MAP2K6: variants seen among roughly 807,000 people sequenced by gnomAD.
MAP2K6 encodes the protein mitogen-activated protein kinase kinase 6, also known as dual specificity mitogen-activated protein kinase kinase 6.
MAP2K6 carries 16 observed loss-of-function variants against 53.7 expected under a neutral mutation model. That is an observed-to-expected ratio of 0.30 (90% confidence interval 0.20 to 0.45). MAP2K6 has a LOEUF of 0.45. Ranked by LOEUF, MAP2K6 falls within the 20% of genes least tolerant of loss-of-function variation. The pLI, the probability that MAP2K6 is intolerant of heterozygous loss-of-function variation, is 1.00. For synonymous variants in MAP2K6, 132 were observed against 143.1 expected, an observed-to-expected ratio of 0.92 and a Z score of 0.55; for missense variants, 204 against 411.9, an observed-to-expected ratio of 0.50 and a Z score of 4.37.
intron 1 of MAP2K6, chr17:69,501,742 C>A (rs1909184058): frequency 2.0e-5 from 3 of 152,096 alleles, no homozygotes; most frequent in Admixed American, 2.0e-4. Flanking sequence ...TTGTTGCGAT[C>A]TGCAGAAATC....
intron 1 of MAP2K6, among the ~76,000 whole-genome samples, chr17:69,438,777 G>T (rs932766809): frequency 5.9e-5 from 9 of 152,010 alleles, no homozygotes; most frequent in Admixed American, 4.6e-4. Context: ...TAGAAATGGG[G>T]TCTTACTATG....
chr17:69,533,673 G>A (rs1223007096), intron 10 of MAP2K6, among the ~76,000 whole-genome samples: 1 of 151,172 alleles, frequency 6.6e-6, no homozygotes, highest in Non-Finnish European at 1.5e-5. Flanking sequence ...CGATAGAGAA[G>A]CATTTCTGGT....
intron 1 of MAP2K6, among the ~76,000 whole-genome samples, chr17:69,426,117 T>C (rs1288157110): frequency 6.6e-6 from 1 of 152,240 alleles, no homozygotes; most frequent in Admixed American, 6.5e-5. Flanking sequence ...GCCTCAACTC[T>C]TGGGCTCAAA....
At chr17:69,520,439 A>T in intron 6 of MAP2K6, 53 bp downstream of exon 6, 1 of 1,097,706 alleles carries the variant, frequency 9.1e-7, no homozygotes, top group Admixed American at 2.1e-5. Flanking sequence ...TAAAGTCCCT[A>T]TGTGTCTTTG....
chr17:69,466,325 A>G (rs1907807044), intron 1 of MAP2K6, among the ~76,000 whole-genome samples: 1 of 151,812 alleles, frequency 6.6e-6, no homozygotes, highest in African/African-American at 2.4e-5. Context: ...AGAAATATAT[A>G]GACCTCCTCT....
At chr17:69,491,108 T>TTTCCTTCCTTCCTTCC (rs34072741) in intron 1 of MAP2K6, among the ~76,000 whole-genome samples, 7 of 148,740 alleles carry the variant, frequency 4.7e-5, no homozygotes, top group African/African-American at 1.8e-4. Context: ...CATTGTCTTT[T>TTTCCTTCCTTCCTTCC]TTCCTTCCTT....
Position 69,416,421 on chromosome 17 carries a change from C to G in MAP2K6, c.16+1421C>G, listed in dbSNP as rs191383798. Among the ~76,000 whole-genome samples, 13 of 152,266 alleles carry G rather than the reference C, an allele frequency of 8.5e-5. No homozygotes were observed. The East Asian group carries it at 1.4e-3, about 16-fold the overall frequency. ...CCTCAAGTGGGGAAAACCTAAAAAT[C>G]TCCTTATTGAGTAGAGAAATAATAG... is the stretch of plus-strand genomic sequence containing the variant. On this transcript the variant is annotated intron_variant, in intron 1 of 11. Transcript: ENST00000590474.
chr17:69,484,443 T>C (rs542202707), intron 1 of MAP2K6, among the ~76,000 whole-genome samples: 1 of 152,092 alleles, frequency 6.6e-6, no homozygotes, highest in South Asian at 2.1e-4. Flanking sequence ...TAGGTGAGGA[T>C]GTGGAGAAAT....
chr17:69,478,371 G>A (rs1200869453), intron 1 of MAP2K6, among the ~76,000 whole-genome samples: 1 of 152,198 alleles, frequency 6.6e-6, no homozygotes, highest in Non-Finnish European at 1.5e-5. Context: ...ACTCATTCCA[G>A]AAGAGACATA....
chr17:69,533,807 G>A (rs1739765868), intron 10 of MAP2K6, among the ~76,000 whole-genome samples: 1 of 143,412 alleles, frequency 7.0e-6, no homozygotes, highest in Admixed American at 7.4e-5. Flanking sequence ...TGCTTCTTCT[G>A]TGTTTCTTTC....
intron 1 of MAP2K6, among the ~76,000 whole-genome samples, chr17:69,451,140 A>T (rs1907211239): frequency 1.3e-5 from 2 of 152,232 alleles, no homozygotes; most frequent in African/African-American, 2.4e-5. Context: ...AAGGCAAACA[A>T]TTAGAGTTAA....
intron 1 of MAP2K6, among the ~76,000 whole-genome samples, chr17:69,476,626 G>A (rs971596414): frequency 6.6e-6 from 1 of 152,210 alleles, no homozygotes; most frequent in African/African-American, 2.4e-5. Flanking sequence ...AGTGGCACTT[G>A]CAGAGACCCT....
intron 1 of MAP2K6, chr17:69,477,463 T>G (rs534307871): frequency 6.6e-6 from 1 of 152,338 alleles, no homozygotes; most frequent in African/African-American, 2.4e-5. Flanking sequence ...AGAAGGCATC[T>G]GGTACAGCCA....
intron 10 of MAP2K6, among the ~76,000 whole-genome samples, chr17:69,529,400 C>G (rs1319538142): frequency 6.6e-6 from 1 of 151,980 alleles, no homozygotes; most frequent in Non-Finnish European, 1.5e-5. Flanking sequence ...TTTTCTTTCA[C>G]CAGTGTATTT....
intron 2 of MAP2K6, among the ~76,000 whole-genome samples, chr17:69,510,642 G>C (rs1172928075): frequency 4.6e-5 from 7 of 151,980 alleles, no homozygotes; most frequent in South Asian, 2.1e-4. Context: ...GTAGTTATAG[G>C]ACTATTCAGA....
chr17:69,519,850 T>C, intron 5 of MAP2K6: 1 of 220,126 alleles, frequency 4.5e-6, no homozygotes, highest in South Asian at 8.0e-5. Context: ...TAGCGTTATA[T>C]GGATTATGAG....
chr17:69,521,850 A>C (rs1910501305), intron 7 of MAP2K6: 1 of 151,334 alleles, frequency 6.6e-6, no homozygotes, highest in East Asian at 1.9e-4. Context: ...TAGAAATATG[A>C]AAGTACCAAG....
chr17:69,497,264 G>A (rs1908988921), intron 1 of MAP2K6, among the ~76,000 whole-genome samples: 1 of 152,162 alleles, frequency 6.6e-6, no homozygotes, highest in Non-Finnish European at 1.5e-5. Flanking sequence ...GAAGGTTCAG[G>A]GTACTGTGGC....
intron 1 of MAP2K6, among the ~76,000 whole-genome samples, chr17:69,470,753 C>G (rs540963277): frequency 6.6e-6 from 1 of 152,348 alleles, no homozygotes; most frequent in South Asian, 2.1e-4. Context: ...TGCTGTCTGC[C>G]TAGAACTTGA....
Sources: allele counts gnomAD v4.1 joint callset (sites outside exome capture counted in the v4.1 genomes callset), GRCh38; gene constraint gnomAD v4.1.1; transcripts MANE v1.5; gene names NCBI Gene and HGNC (gene_info 2026-07-23, HGNC 2026-07-21).